Variants in MLIP observed in about 807,000 individuals in gnomAD.
MLIP encodes the protein muscular LMNA-interacting protein.
Under a neutral mutation model 84.8 loss-of-function variants are expected in MLIP, and 79 were observed. The observed-to-expected ratio is 0.93, with a 90% CI of 0.78 to 1.12. The LOEUF is 1.12. Ranked by LOEUF, MLIP falls within the 50% of genes most tolerant of loss-of-function variation. MLIP has a pLI of 0.00. For missense variants in MLIP, 1,257 were observed against 1,160.6 expected (o/e 1.08, Z -1.21); for synonymous variants, 504 against 463.0 (o/e 1.09, Z -1.14).
intron 1 of MLIP, among the ~76,000 whole-genome samples, chr6:54,053,796 C>T (rs1765500546): frequency 6.6e-6 from 1 of 152,094 alleles, no homozygotes; most frequent in Non-Finnish European, 1.5e-5. Context: ...TTTTAAGTGT[C>T]TATTTGAGAA....
intron 1 of MLIP, among the ~76,000 whole-genome samples, chr6:54,042,240 G>A (rs1005857619): frequency 1.3e-5 from 2 of 151,988 alleles, no homozygotes; most frequent in African/African-American, 2.4e-5. Flanking sequence ...TGTAATAAAT[G>A]TTGTCTGGAC....
intron 1 of MLIP, among the ~76,000 whole-genome samples, chr6:54,027,950 G>T (rs995901197): frequency 6.6e-6 from 1 of 152,104 alleles, no homozygotes; most frequent in East Asian, 1.9e-4. Context: ...TGTACGTGTG[G>T]CGAAATATTT....
At chr6:54,224,751 C>G (rs537438881) in intron 11 of MLIP, among the ~76,000 whole-genome samples, 13 of 151,964 alleles carry the variant, frequency 8.6e-5, no homozygotes, top group African/African-American at 3.1e-4. Flanking sequence ...CTCTTCCCCC[C>G]AAGTCCCCAA....
At chr6:54,163,391 T>G (rs568647766) in intron 8 of MLIP, among the ~76,000 whole-genome samples, 1 of 152,010 alleles carries the variant, frequency 6.6e-6, no homozygotes, top group East Asian at 1.9e-4. Flanking sequence ...TAGGGTGAAT[T>G]TTTGCTATCT....
At chr6:54,057,006 C>T (rs1180208624) in intron 1 of MLIP, among the ~76,000 whole-genome samples, 1 of 152,146 alleles carries the variant, frequency 6.6e-6, no homozygotes, top group African/African-American at 2.4e-5. Flanking sequence ...ATAGGGTTAA[C>T]ATTTATTGAA....
chr6:54,169,422 G>A, intron 8 of MLIP, 106 bp from the exon 9 acceptor site: 1 of 615,550 alleles, frequency 1.6e-6, no homozygotes, highest in African/African-American at 1.9e-5. Context: ...AGAGAGCAAT[G>A]TTTAGAAAGT....
At chr6:54,265,707 T>C (rs931480547) in intron 13 of MLIP, among the ~76,000 whole-genome samples, 1 of 152,080 alleles carries the variant, frequency 6.6e-6, no homozygotes, top group African/African-American at 2.4e-5. Flanking sequence ...AGGCCAGAAC[T>C]GCTCTGCTGA....
chr6:54,221,017 T>G (rs1266073786), intron 11 of MLIP, among the ~76,000 whole-genome samples: 1 of 152,154 alleles, frequency 6.6e-6, no homozygotes, highest in Admixed American at 6.6e-5. Flanking sequence ...TCGGAGTTTC[T>G]CAAGTTATCT....
chr6:54,251,295 C>G (rs1366841351), intron 12 of MLIP, among the ~76,000 whole-genome samples: 3 of 150,978 alleles, frequency 2.0e-5, no homozygotes, highest in African/African-American at 7.3e-5. Flanking sequence ...GAATCTCAGG[C>G]CCCTCTCCAC....
intron 11 of MLIP, among the ~76,000 whole-genome samples, chr6:54,221,416 GA>G (rs1169630460): frequency 1.3e-5 from 2 of 151,902 alleles, no homozygotes; most frequent in African/African-American, 4.8e-5. Context: ...AAAGTGTAGT[GA>G]ACAGTTGAAA....
chr6:54,094,510 T>C (rs1250355581), intron 1 of MLIP, among the ~76,000 whole-genome samples: 1 of 152,154 alleles, frequency 6.6e-6, no homozygotes, highest in African/African-American at 2.4e-5. Context: ...CTCTTACTTG[T>C]GTGGGGCTTG....
chr6:54,250,330 A>G (rs1315471574), intron 12 of MLIP, among the ~76,000 whole-genome samples: 1 of 152,104 alleles, frequency 6.6e-6, no homozygotes, highest in African/African-American at 2.4e-5. Context: ...AGACACAAAT[A>G]TCTTTTGACC....
chr6:54,059,374 A>G (rs187417246), intron 1 of MLIP, among the ~76,000 whole-genome samples: 232 of 152,308 alleles, frequency 1.5e-3, no homozygotes, highest in African/African-American at 5.3e-3. Flanking sequence ...TGACTGGCAA[A>G]ACTCAGGCAT....
At chr6:54,160,663 C>G (rs1054132851) in intron 7 of MLIP, 64 bp downstream of exon 7, 1 of 1,514,638 alleles carries the variant, frequency 6.6e-7, no homozygotes, top group East Asian at 2.3e-5. Context: ...TTTTCCTCTA[C>G]TTTAGTATGA....
chr6:54,226,669 A>C (rs1381883874), intron 11 of MLIP, among the ~76,000 whole-genome samples: 1 of 151,456 alleles, frequency 6.6e-6, no homozygotes, highest in Non-Finnish European at 1.5e-5. Flanking sequence ...AACAAACAAA[A>C]CAGAGGAAAC....
chr6:54,161,770 T>C lies in MLIP; in HGVS notation c.2499+971T>C, dbSNP rs1346793767. On this transcript the variant is annotated intron_variant, in intron 8 of 13. Transcript: ENST00000502396. ...AGTAATCAATTATTGTCATATTAAT[T>C]ATATTTTAGCAGAGGACTCACAGGT... 2.6e-5 allele frequency among the ~76,000 whole-genome samples: 4 copies of C among 151,996 alleles called. No homozygotes were observed. In the East Asian group the frequency reaches 7.7e-4, roughly 29 times the overall value.
intron 1 of MLIP, chr6:54,079,376 T>C (rs1766996622): frequency 6.6e-6 from 1 of 152,214 alleles, no homozygotes; most frequent in Non-Finnish European, 1.5e-5. Context: ...AGGGGTATGT[T>C]TTCTTAATTT....
intron 9 of MLIP, among the ~76,000 whole-genome samples, chr6:54,179,363 A>G (rs547970079): frequency 6.6e-6 from 1 of 152,136 alleles, no homozygotes; most frequent in African/African-American, 2.4e-5. Context: ...CCACTCTATG[A>G]CTTTTGATTG....
intron 1 of MLIP, among the ~76,000 whole-genome samples, chr6:54,066,279 G>C (rs1307457263): frequency 1.0e-5 from 1 of 98,938 alleles, no homozygotes; most frequent in African/African-American, 2.6e-5. Context: ...ACACAGCCAG[G>C]TGTCCTTCTC....
Sources: allele counts gnomAD v4.1 joint callset (sites outside exome capture counted in the v4.1 genomes callset), GRCh38; gene constraint gnomAD v4.1.1; transcripts MANE v1.5; gene names NCBI Gene and HGNC (gene_info 2026-07-23, HGNC 2026-07-21).